VWC2L: variants seen among roughly 807,000 people sequenced by gnomAD.
The protein encoded by VWC2L is von Willebrand factor C domain-containing protein 2-like.
Under a neutral mutation model 21.6 loss-of-function variants are expected in VWC2L, and 10 were observed. The observed-to-expected ratio is 0.46, with a 90% CI of 0.29 to 0.78. The LOEUF is 0.78. VWC2L is among the 30% of genes least tolerant of loss of function. The probability of loss-of-function intolerance (pLI) is 0.10; values close to 1 mark genes in which losing one functional copy is unlikely to be tolerated. For missense variants in VWC2L, 209 were observed against 277.1 expected, an observed-to-expected ratio of 0.75 and a Z score of 1.74; for synonymous variants, 96 against 94.3, an observed-to-expected ratio of 1.02 and a Z score of -0.10.
At chr2:214,463,373 G>T (rs984302798) in intron 3 of VWC2L, among the ~76,000 whole-genome samples, 1 of 151,882 alleles carries the variant, frequency 6.6e-6, no homozygotes, top group Non-Finnish European at 1.5e-5. Context: ...CCTTATATTT[G>T]CTCAGTAATC....
At chr2:214,512,707 T>C (rs1689075626) in intron 3 of VWC2L, among the ~76,000 whole-genome samples, 1 of 151,194 alleles carries the variant, frequency 6.6e-6, no homozygotes, top group Non-Finnish European at 1.5e-5. Context: ...CCCAAGAATT[T>C]CAAACCTAAG....
intron 3 of VWC2L, among the ~76,000 whole-genome samples, chr2:214,536,578 TTG>T (rs1192038292): frequency 2.0e-5 from 3 of 152,108 alleles, no homozygotes; most frequent in African/African-American, 4.8e-5. Flanking sequence ...CTTATGCTTT[TTG>T]TGGAAAAACA....
intron 3 of VWC2L, among the ~76,000 whole-genome samples, chr2:214,450,935 AT>A (rs1702944535): frequency 6.6e-6 from 1 of 152,188 alleles, no homozygotes; most frequent in South Asian, 2.1e-4. Flanking sequence ...AGGGGAAATA[AT>A]TATAATTACT....
chr2:214,504,706 G>A (rs1007308598), intron 3 of VWC2L, among the ~76,000 whole-genome samples: 9 of 152,118 alleles, frequency 5.9e-5, no homozygotes, highest in African/African-American at 2.2e-4. Flanking sequence ...TCCGAGTCCT[G>A]GGAAGCATAA....
At chr2:214,562,039 G>A (rs1250191948) in intron 3 of VWC2L, among the ~76,000 whole-genome samples, 4 of 151,714 alleles carry the variant, frequency 2.6e-5, no homozygotes, top group African/African-American at 9.7e-5. Context: ...AGAATATGCA[G>A]GTTTGTTACA....
At chr2:214,550,289 T>G (rs1426558556) in intron 3 of VWC2L, among the ~76,000 whole-genome samples, 1 of 152,104 alleles carries the variant, frequency 6.6e-6, no homozygotes, top group Non-Finnish European at 1.5e-5. Flanking sequence ...GCCATAGGAG[T>G]GGTTAATAAG....
chr2:214,449,369 A>T (rs1227478847), intron 3 of VWC2L, among the ~76,000 whole-genome samples: 1 of 152,190 alleles, frequency 6.6e-6, no homozygotes, highest in African/African-American at 2.4e-5. Context: ...GTGATTTGAA[A>T]CATTTTGGTA....
At chr2:214,557,239 C>T (rs1432086763) in intron 3 of VWC2L, among the ~76,000 whole-genome samples, 2 of 152,076 alleles carry the variant, frequency 1.3e-5, no homozygotes, top group African/African-American at 2.4e-5. Flanking sequence ...CGGCAGAAGG[C>T]AACTCTTCAC....
chr2:214,571,192 C>T (rs754640000), intron 3 of VWC2L, among the ~76,000 whole-genome samples: 7 of 152,060 alleles, frequency 4.6e-5, no homozygotes, highest in South Asian at 2.1e-4. Flanking sequence ...GCTCAGGATC[C>T]GGGCAAAGGA....
intron 3 of VWC2L, among the ~76,000 whole-genome samples, chr2:214,489,301 A>C (rs368316571): frequency 2.6e-5 from 4 of 152,218 alleles, no homozygotes; most frequent in African/African-American, 9.6e-5. Context: ...AGTCATTAAA[A>C]GATTTTAAGG....
intron 3 of VWC2L, among the ~76,000 whole-genome samples, chr2:214,472,696 TGAG>T (rs956722390): frequency 1.5e-4 from 23 of 152,206 alleles, no homozygotes; most frequent in South Asian, 1.2e-3. Context: ...ACCATGGTGA[TGAG>T]ATTGCCATTG....
intron 3 of VWC2L, among the ~76,000 whole-genome samples, chr2:214,440,659 TTTA>T (rs1177969976): frequency 6.6e-6 from 1 of 152,098 alleles, no homozygotes; most frequent in African/African-American, 2.4e-5. Flanking sequence ...ATACCTATCG[TTTA>T]TTTTTGTATG....
chr2:214,414,118 C>G lies in VWC2L; in HGVS notation c.-76C>G, dbSNP rs756715067. ...TTTTTAAATATTTATTTTCAGCCTA[C>G]CCCTCTTGTATTCCCATGGAAGGAG... On this transcript the variant is annotated 5_prime_UTR_variant, in exon 2 of 4. Transcript: ENST00000312504. The G allele has an allele frequency of 4.2e-6, 6 of 1,444,320 alleles. No homozygotes were observed. The highest frequency in any genetic ancestry group is 5.6e-6 in the Non-Finnish European group (6 of 1,067,544). 89.5% of individuals were successfully genotyped at this position (1,444,320 alleles called of 1,614,324 possible).
rs57351904 is a variant in VWC2L, at chr2:214,459,902, CTTTTT to C, written c.520+23162_520+23166del. Among the ~76,000 whole-genome samples the C allele has an allele frequency of 2.3e-4, 20 of 85,158 alleles. No individual in the cohort carries two copies. In the Admixed American group the frequency reaches 2.9e-3, roughly 12 times the overall value. 55.9% of individuals were successfully genotyped at this position (85,158 alleles called of 152,430 possible). A position where few individuals can be genotyped will look rare whatever the true frequency, so the allele number is the denominator to read the frequency against. ...TCTAGAATTATTTCTTTTCCTTTGA[CTTTTT>C]TTTTTTTTTTTTTTTTTGAGATGGA... On this transcript the variant is annotated intron_variant, in intron 3 of 3. Transcript: ENST00000312504.
At chr2:214,499,507 T>TGGGGGGAG (rs1688861144) in intron 3 of VWC2L, among the ~76,000 whole-genome samples, 1 of 86,194 alleles carries the variant, frequency 1.2e-5, no homozygotes, top group Non-Finnish European at 2.2e-5. Context: ...TGTCGTGGGG[T>TGGGGGGAG]GGGGGGAGGG....
intron 3 of VWC2L, among the ~76,000 whole-genome samples, chr2:214,498,652 T>G (rs1688844403): frequency 6.7e-6 from 1 of 149,458 alleles, no homozygotes; most frequent in African/African-American, 2.4e-5. Flanking sequence ...TATATTTATA[T>G]GTATATATAA....
At chr2:214,446,550 A>G (rs917563691) in intron 3 of VWC2L, among the ~76,000 whole-genome samples, 3 of 152,188 alleles carry the variant, frequency 2.0e-5, no homozygotes, top group Admixed American at 6.6e-5. Context: ...CCTGCTAATC[A>G]TATCGCTTCT....
In VWC2L at chr2:214,513,698, C is replaced by T. The variant is rs189728055; in HGVS notation, c.521-61974C>T. On this transcript the variant is annotated intron_variant, in intron 3 of 3. Transcript: ENST00000312504. ...CAAAGCTTGCTACAGATGGTTCTAT[C>T]GAGCCATCTCTCCTTCATAGAATAA... Among the ~76,000 whole-genome samples, 30 of 152,114 alleles carry T rather than the reference C, an allele frequency of 2.0e-4. 1 individual carries two copies. The highest frequency in any genetic ancestry group is 6.3e-4 in the African/African-American group (26 of 41,416).
chr2:214,508,249 C>T (rs914562225), intron 3 of VWC2L, among the ~76,000 whole-genome samples: 6 of 152,168 alleles, frequency 3.9e-5, no homozygotes, highest in Admixed American at 6.5e-5. Context: ...GATGGGATTA[C>T]AGGCGTGCAC....
Sources: gnomAD v4.1 joint callset for allele counts (sites outside exome capture counted in the v4.1 genomes callset) on GRCh38, gnomAD v4.1.1 for gene constraint, MANE v1.5 for transcripts, NCBI Gene and HGNC (gene_info 2026-07-23, HGNC 2026-07-21) for gene names.